The following DYNC1I1 variants were observed in gnomAD, a reference collection of about 807,000 sequenced individuals.
The protein encoded by DYNC1I1 is dynein cytoplasmic 1 intermediate chain 1.
Under a neutral mutation model 86.6 loss-of-function variants are expected in DYNC1I1, and 43 were observed. The observed-to-expected ratio is 0.50, with a 90% CI of 0.39 to 0.64. The LOEUF is 0.64. DYNC1I1 is among the 30% of genes least tolerant of loss of function. The probability of loss-of-function intolerance (pLI) is 0.00; values close to 1 mark genes in which losing one functional copy is unlikely to be tolerated. For synonymous variants in DYNC1I1, 262 were observed against 283.7 expected (o/e 0.92, Z 0.77); for missense variants, 604 against 788.8 (o/e 0.77, Z 2.81).
At chr7:95,977,757 A>C (rs1584219043) in intron 7 of DYNC1I1, among the ~76,000 whole-genome samples, 156 bp downstream of exon 7, 1 of 152,226 alleles carries the variant, frequency 6.6e-6, no homozygotes, top group East Asian at 1.9e-4. Context: ...TTAGCAACAT[A>C]AACTGTAATC....
chr7:95,787,117 C>T (rs1041468062), intron 1 of DYNC1I1, among the ~76,000 whole-genome samples: 7 of 152,114 alleles, frequency 4.6e-5, no homozygotes, highest in Non-Finnish European at 7.4e-5. Flanking sequence ...ACATGCAACC[C>T]AATGTAAGTA....
intron 6 of DYNC1I1, among the ~76,000 whole-genome samples, chr7:95,916,469 G>T (rs1318305497): frequency 1.3e-5 from 2 of 152,090 alleles, no homozygotes; most frequent in African/African-American, 4.8e-5. Flanking sequence ...ATTTGAATAT[G>T]TTTATTTATA....
chr7:96,074,420 G>A (rs1013079706), intron 14 of DYNC1I1, among the ~76,000 whole-genome samples: 4 of 151,948 alleles, frequency 2.6e-5, no homozygotes, highest in African/African-American at 9.7e-5. Context: ...GCCTGGTGGC[G>A]GGCACCTGTA....
At chr7:96,101,836 G>T (rs1323565596), downstream of DYNC1I1, among the ~76,000 whole-genome samples, 1 of 152,148 alleles carries the variant, frequency 6.6e-6, no homozygotes. Context: ...CCCCTGCCAA[G>T]ATAGCAAATA....
chr7:95,782,697 A>G (rs1419743948), intron 1 of DYNC1I1, among the ~76,000 whole-genome samples: 1 of 152,222 alleles, frequency 6.6e-6, no homozygotes, highest in Non-Finnish European at 1.5e-5. Flanking sequence ...TGGTACCTGC[A>G]TACTTGTCCG....
intron 1 of DYNC1I1, among the ~76,000 whole-genome samples, chr7:95,780,798 C>G (rs1793972028): frequency 1.3e-5 from 2 of 152,050 alleles, no homozygotes; most frequent in Admixed American, 1.3e-4. Flanking sequence ...CCCTGAGACT[C>G]TGTCTCAGAA....
intron 10 of DYNC1I1, among the ~76,000 whole-genome samples, chr7:96,000,867 A>G (rs77433924): frequency 0.02 from 2,995 of 152,304 alleles, 114 homozygotes; most frequent in African/African-American, 0.068. Flanking sequence ...GAAAACAGCA[A>G]TGAAGGAGAT....
intron 1 of DYNC1I1, among the ~76,000 whole-genome samples, chr7:95,790,647 A>G (rs1794275794): frequency 6.6e-6 from 1 of 152,242 alleles, no homozygotes. Context: ...AACTGCTGAC[A>G]TAAAGTGGGT....
intron 6 of DYNC1I1, among the ~76,000 whole-genome samples, chr7:95,948,520 A>G (rs1428751407): frequency 2.6e-5 from 4 of 152,134 alleles, no homozygotes; most frequent in African/African-American, 9.7e-5. Context: ...TCAATGGTTT[A>G]CTAGTTGGTT....
chr7:95,962,000 C>A (rs1482375684), intron 6 of DYNC1I1, among the ~76,000 whole-genome samples: 1 of 152,140 alleles, frequency 6.6e-6, no homozygotes, highest in Non-Finnish European at 1.5e-5. Flanking sequence ...GTTGGCTGAA[C>A]CCACAAGTAA....
At chr7:95,995,014 G>A (rs549547081) in intron 9 of DYNC1I1, among the ~76,000 whole-genome samples, 358 of 152,216 alleles carry the variant, frequency 2.4e-3, no homozygotes, top group Non-Finnish European at 3.6e-3. Flanking sequence ...TTGAGAGGCC[G>A]AGGCTGGTGG....
At chr7:96,067,063 G>A (rs894161966) in intron 14 of DYNC1I1, among the ~76,000 whole-genome samples, 1 of 151,930 alleles carries the variant, frequency 6.6e-6, no homozygotes, top group Non-Finnish European at 1.5e-5. Context: ...AACGGCAGGA[G>A]AAATAAACAT....
chr7:95,954,833 G>A (rs374439347), intron 6 of DYNC1I1, among the ~76,000 whole-genome samples: 3 of 146,622 alleles, frequency 2.0e-5, no homozygotes, highest in Non-Finnish European at 3.0e-5. Context: ...GGAGAATGGC[G>A]TGAACCCGGG....
At chr7:95,915,951 G>C (rs887562878) in intron 6 of DYNC1I1, among the ~76,000 whole-genome samples, 6 of 152,130 alleles carry the variant, frequency 3.9e-5, no homozygotes, top group African/African-American at 1.2e-4. Context: ...ACAACAAAGT[G>C]ATCTCCCCAA....
chr7:95,861,629 T>A (rs13245313), intron 5 of DYNC1I1, among the ~76,000 whole-genome samples: 16,019 of 148,766 alleles, frequency 0.11, 882 homozygotes, highest in South Asian at 0.19. Context: ...TTTTTTTTTT[T>A]ACTTTTCTTA....
At chr7:95,816,995 G>A (rs979923358) in intron 4 of DYNC1I1, among the ~76,000 whole-genome samples, 23 of 152,082 alleles carry the variant, frequency 1.5e-4, no homozygotes, top group Non-Finnish European at 5.9e-5. Flanking sequence ...CCTGAAGAAC[G>A]GCTTTTGTTT....
At chr7:96,094,707 T>G (rs1325724662) in intron 16 of DYNC1I1, among the ~76,000 whole-genome samples, 1 of 152,210 alleles carries the variant, frequency 6.6e-6, no homozygotes, top group African/African-American at 2.4e-5. Flanking sequence ...TGGGGCAGTC[T>G]GCAGTTCACC....
chr7:95,878,471 T>C (rs751870593), intron 6 of DYNC1I1, among the ~76,000 whole-genome samples: 32 of 152,042 alleles, frequency 2.1e-4, no homozygotes, highest in Non-Finnish European at 4.6e-4. Context: ...AAACAAACAT[T>C]GAACTAATAG....
chr7:96,108,315 A>T (rs1288523543), intron 16 of DYNC1I1, among the ~76,000 whole-genome samples: 1 of 152,112 alleles, frequency 6.6e-6, no homozygotes, highest in Non-Finnish European at 1.5e-5. Context: ...TATAACGTTG[A>T]GCTCAAATTG....
Sources: gnomAD v4.1 joint callset for allele counts (sites outside exome capture counted in the v4.1 genomes callset) on GRCh38, gnomAD v4.1.1 for gene constraint, MANE v1.5 for transcripts, NCBI Gene and HGNC (gene_info 2026-07-23, HGNC 2026-07-21) for gene names.